CDO1: variants seen among roughly 807,000 people sequenced by gnomAD.
The protein encoded by CDO1 is cysteine dioxygenase, type I.
Under a neutral mutation model 24.5 loss-of-function variants are expected in CDO1, and 19 were observed. The ratio of observed to expected loss-of-function variants is 0.77; its 90% confidence interval spans 0.54 to 1.14. The LOEUF (loss-of-function observed/expected upper bound fraction) is 1.14, where lower values mean the gene tolerates loss of function less well. CDO1 is among the 50% of genes most tolerant of loss of function. The pLI, the probability that CDO1 is intolerant of heterozygous loss-of-function variation, is 0.00. For synonymous variants in CDO1, 91 were observed against 87.0 expected (o/e 1.05, Z -0.26); for missense variants, 244 against 244.8 (o/e 1.00, Z 0.02).
At chr5:115,816,132 C>G (rs1056695812) in intron 1 of CDO1, 96 bp downstream of exon 1, 11 of 1,216,536 alleles carry the variant, frequency 9.0e-6, no homozygotes, top group Non-Finnish European at 1.2e-5. Flanking sequence ...GCCCGAGCTT[C>G]CCGAGCCAGT....
chr5:115,806,397 G>C lies in CDO1; in HGVS notation c.525C>G (p.Asn175Lys). 1 of 1,608,664 alleles carries C rather than the reference G, an allele frequency of 6.2e-7. No homozygotes were observed. Among genetic ancestry groups the C allele is most frequent in the Non-Finnish European group, 8.5e-7 (1 of 1,178,468 alleles). Residue 175 changes from asparagine to lysine, a missense_variant, in exon 4 of 5, where the codon AAC becomes AAG. By Grantham distance (94) the Asn-to-Lys change is moderately conservative. Coordinates refer to ENST00000250535, the MANE Select transcript of CDO1 (RefSeq NM_001801.3). ...HAFDQRTGHK[N>K]KVTMTFHSKF... is the part of the protein sequence containing the mutation. ...TACTATGGAATGTCATTGTGACTTT[G>C]TTTTTATGTCCTGTTCTTTGATCAA...
In CDO1 at chr5:115,811,246, T is replaced by C. The variant is rs768460250; in HGVS notation, c.318A>G (p.Leu106=). The C allele has an allele frequency of 1.1e-5, 18 of 1,613,438 alleles. No individual in the cohort carries two copies. In the East Asian group the frequency reaches 4.0e-4, roughly 36 times the overall value. The change falls in exon 3 of 5, where the codon TTA becomes TTG. Residue 106 remains leucine, a synonymous_variant. Coordinates refer to ENST00000250535, the MANE Select transcript of CDO1 (RefSeq NM_001801.3). ...TGGATTTTTTGTCAGGCCAGGCAAA[T>C]AATGTCTCCTTTAGATTTCCCTGTA... ...KMLQGNLKET[L]FAWPDKKSNE...
chr5:115,805,500 C>T (rs1759907823), intron 4 of CDO1, 38 bp from the exon 5 acceptor site: 8 of 1,605,602 alleles, frequency 5.0e-6, no homozygotes, highest in African/African-American at 1.3e-5. Flanking sequence ...GTGTAAGAAA[C>T]TTTACAAAAG....
At position 115,811,219 on chromosome 5, in the gene CDO1, A is replaced by G. The variant is rs1360543980; in HGVS notation, c.345T>C (p.Asn115=). Residue 115 remains asparagine, a synonymous_variant, in exon 3 of 5, where the codon AAT becomes AAC. Transcript: ENST00000250535. ...CTCTTTCAGACTTCTTGACCATCTCATTGGATTTTTTGTCAGGCCAGGCAA... is the reference window on the plus strand; with the variant it reads ...CTCTTTCAGACTTCTTGACCATCTCGTTGGATTTTTTGTCAGGCCAGGCAA... ...TLFAWPDKKS[N]EMVKKSERVL... is the part of the protein sequence containing the mutation. 6.2e-7 allele frequency: 1 copy of G among 1,612,086 alleles called. No individual in the cohort carries two copies. The highest frequency in any genetic ancestry group is 8.5e-7 in the Non-Finnish European group (1 of 1,178,156).
At position 115,816,271 on chromosome 5, in the gene CDO1, C is replaced by G; in HGVS notation, c.127G>C (p.Asp43His). 6.2e-7 allele frequency: 1 copy of G among 1,614,222 alleles called. No homozygotes were observed. Among genetic ancestry groups the G allele is most frequent in the East Asian group, 2.2e-5 (1 of 44,868 alleles). The change falls in exon 1 of 5, where the codon GAC (aspartate) becomes CAC (histidine). Residue 43 changes from aspartate to histidine, a missense_variant. Asp to His is a moderately conservative substitution (Grantham distance 81, BLOSUM62 -1). Coordinates refer to ENST00000250535, the MANE Select transcript of CDO1 (RefSeq NM_001801.3). ...GCGTACATTGCCCACTCGGTGGGGT[C>G]GCTCTCGTAGGCTTCCATGATGGCC... ...VQAIMEAYES[D>H]PTEWAMYAKF...
chr5:115,806,038 A>G (rs1759932387), intron 4 of CDO1, among the ~76,000 whole-genome samples: 1 of 152,244 alleles, frequency 6.6e-6, no homozygotes, highest in African/African-American at 2.4e-5. Context: ...GGCCCAGCAA[A>G]TTAGACCTAT....
At position 115,816,516 on chromosome 5, in the gene CDO1, C is replaced by T; in HGVS notation, c.-119G>A. ...CCCGCTAGACCGCTAAGCAGACACA[C>T]ACGCACAAACCCAGCATTAGAGTGC... is the stretch of plus-strand genomic sequence containing the variant. On this transcript the variant is annotated 5_prime_UTR_variant, in exon 1 of 5. The change creates a new upstream start codon in the 5' untranslated region. Transcript: ENST00000250535. The T allele has an allele frequency of 9.2e-7, 1 of 1,085,574 alleles. No homozygotes were observed. The highest frequency in any genetic ancestry group is 1.4e-6 in the Non-Finnish European group (1 of 738,184). 67.2% of individuals were successfully genotyped at this position (1,085,574 alleles called of 1,614,324 possible). A position where few individuals can be genotyped will look rare whatever the true frequency, so the allele number is the denominator to read the frequency against.
rs535199256 is a variant in CDO1, at chr5:115,813,116, A to T, written c.248+65T>A. ...TTGTAAGACCTGTGGCTAGCCTGGTACTATATTTTTCATATGCTAGAAAAC... is the reference window on the plus strand; with the variant it reads ...TTGTAAGACCTGTGGCTAGCCTGGTTCTATATTTTTCATATGCTAGAAAAC... On this transcript the variant is annotated intron_variant, in intron 2 of 4. Transcript: ENST00000250535. The T allele has an allele frequency of 2.9e-3, 2,490 of 855,176 alleles. 9 individuals carry two copies. The highest frequency in any genetic ancestry group is 3.7e-3 in the Non-Finnish European group (1,888 of 506,740). The allele number at this position is 855,176 out of a possible 1,614,324, so 53.0% of individuals were successfully genotyped here. A position where few individuals can be genotyped will look rare whatever the true frequency, so the allele number is the denominator to read the frequency against.
rs182476054 is a variant in CDO1 at position 115,816,187 on chromosome 5, C to A, written c.170+41G>T. On this transcript the variant is annotated intron_variant, in intron 1 of 4. Coordinates refer to ENST00000250535, the MANE Select transcript of CDO1 (RefSeq NM_001801.3). ...CACGTCCATTCCTCCTCAGACGGGGCGAGTGGGCGCCGCCTGGCATTGAAG... is the reference window on the plus strand; with the variant it reads ...CACGTCCATTCCTCCTCAGACGGGGAGAGTGGGCGCCGCCTGGCATTGAAG... 1.0e-4 allele frequency: 164 copies of A among 1,589,610 alleles called. 3 individuals carry two copies. In the East Asian group the frequency reaches 3.4e-3, roughly 33 times the overall value.
rs567449443 is a variant in CDO1, at chr5:115,806,450, T to C, written c.472A>G (p.Ser158Gly). 1.4e-5 allele frequency: 22 copies of C among 1,612,340 alleles called. No individual in the cohort carries two copies. In the South Asian group the frequency reaches 2.0e-4, roughly 15 times the overall value. ...GCATGGCATGTATCAAAAGGTGGACTGTACAAGTGAAGGCTCACAGCAGGT... is the reference window on the plus strand; with the variant it reads ...GCATGGCATGTATCAAAAGGTGGACCGTACAAGTGAAGGCTCACAGCAGGT... ...TEPAVSLHLY[S>G]PPFDTCHAFD... is the part of the protein sequence containing the mutation. Residue 158 changes from serine (S) to glycine (G), a missense_variant, in exon 4 of 5, where the codon AGT becomes GGT. By Grantham distance (56) the Ser-to-Gly change is moderately conservative. Coordinates refer to ENST00000250535, the MANE Select transcript of CDO1 (RefSeq NM_001801.3).
intron 1 of CDO1, 126 bp downstream of exon 1, chr5:115,816,102 C>A: frequency 1.4e-6 from 1 of 695,430 alleles, no homozygotes; most frequent in Non-Finnish European, 2.2e-6. Context: ...AGCGAGGGGG[C>A]GAGCGGCGGA....
intron 3 of CDO1, among the ~76,000 whole-genome samples, chr5:115,809,875 C>T (rs1398407526): frequency 1.3e-5 from 2 of 152,202 alleles, no homozygotes; most frequent in Non-Finnish European, 2.9e-5. Flanking sequence ...AGCTGGGTGG[C>T]CACTGCTGTC....
intron 3 of CDO1, chr5:115,809,676 A>G (rs546912727): frequency 1.2e-4 from 19 of 152,336 alleles, no homozygotes; most frequent in Admixed American, 1.1e-3. Flanking sequence ...ATCACTATCC[A>G]TCTCCACCCC....
intron 1 of CDO1, among the ~76,000 whole-genome samples, chr5:115,815,336 T>G (rs1442980999): frequency 6.6e-6 from 1 of 152,156 alleles, no homozygotes; most frequent in Non-Finnish European, 1.5e-5. Flanking sequence ...GAGATTCGAC[T>G]TAATCACCAA....
At chr5:115,806,608 C>A (rs1759958791) in intron 3 of CDO1, 90 bp from the exon 4 acceptor site, 1 of 911,734 alleles carries the variant, frequency 1.1e-6, no homozygotes, top group Non-Finnish European at 1.7e-6. Flanking sequence ...GATCATGAAT[C>A]AATTGTGATG....
chr5:115,812,686 G>A (rs1446762077), intron 2 of CDO1, among the ~76,000 whole-genome samples: 1 of 152,118 alleles, frequency 6.6e-6, no homozygotes, highest in Non-Finnish European at 1.5e-5. Flanking sequence ...TGTAGTGTAT[G>A]CCTGAATGCC....
In CDO1 at chr5:115,816,532, A is replaced by G; in HGVS notation, c.-135T>C. The G allele has an allele frequency of 3.1e-6, 3 of 954,630 alleles. No homozygotes were observed. The highest frequency in any genetic ancestry group is 2.2e-5 in the Admixed American group (1 of 46,472). 59.1% of individuals were successfully genotyped at this position (954,630 alleles called of 1,614,324 possible). A position where few individuals can be genotyped will look rare whatever the true frequency, so the allele number is the denominator to read the frequency against. Reference sequence around the variant, plus strand: ...GCAGACACACACGCACAAACCCAGCATTAGAGTGCCGAAACGTAAGGATGT... The same window carrying G: ...GCAGACACACACGCACAAACCCAGCGTTAGAGTGCCGAAACGTAAGGATGT... On this transcript the variant is annotated 5_prime_UTR_variant, in exon 1 of 5. The change abolishes an upstream ATG in the 5' untranslated region. Transcript: ENST00000250535.
chr5:115,806,168 T>C (rs1008980962), intron 4 of CDO1, among the ~76,000 whole-genome samples, 181 bp downstream of exon 4: 9 of 152,232 alleles, frequency 5.9e-5, no homozygotes, highest in African/African-American at 2.2e-4. Flanking sequence ...TCAACTAATG[T>C]TTGGATCTAA....
intron 3 of CDO1, among the ~76,000 whole-genome samples, chr5:115,809,896 G>A (rs1190034589): frequency 1.3e-5 from 2 of 152,144 alleles, no homozygotes; most frequent in African/African-American, 2.4e-5. Context: ...ACCTTAATAT[G>A]AGGCTTGTAT....
Sources: allele counts gnomAD v4.1 joint callset (sites outside exome capture counted in the v4.1 genomes callset), GRCh38; gene constraint gnomAD v4.1.1; transcripts MANE v1.5; gene names NCBI Gene and HGNC (gene_info 2026-07-23, HGNC 2026-07-21).